Variants in DTNB observed in about 807,000 individuals in gnomAD.
DTNB encodes DTN-B.
A neutral mutation model predicts 90.7 loss-of-function variants in DTNB; 63 were observed. The observed-to-expected ratio is 0.69, with a 90% CI of 0.57 to 0.86. The LOEUF is 0.86. Ranked by LOEUF, DTNB falls within the 40% of genes least tolerant of loss-of-function variation. The probability of loss-of-function intolerance (pLI) is 0.00; values close to 1 mark genes in which losing one functional copy is unlikely to be tolerated. For synonymous variants in DTNB, 277 were observed against 286.7 expected (o/e 0.97, Z 0.34); for missense variants, 744 against 807.1 (o/e 0.92, Z 0.95).
chr2:25,528,401 G>C (rs2077552535), intron 9 of DTNB, among the ~76,000 whole-genome samples: 1 of 152,006 alleles, frequency 6.6e-6, no homozygotes, highest in South Asian at 2.1e-4. Flanking sequence ...TGCACCGGAG[G>C]GGCTAGCCAG....
chr2:25,596,374 A>G, intron 5 of DTNB, 134 bp from the exon 6 acceptor site: 1 of 1,061,424 alleles, frequency 9.4e-7, no homozygotes, highest in South Asian at 1.8e-5. Flanking sequence ...CTTTTAGTTA[A>G]TATTAAAACT....
At chr2:25,484,015 T>C (rs2065559544) in intron 9 of DTNB, among the ~76,000 whole-genome samples, 1 of 152,200 alleles carries the variant, frequency 6.6e-6, no homozygotes, top group Non-Finnish European at 1.5e-5. Context: ...GGAGGCTACA[T>C]ACATAGAGTG....
At chr2:25,592,823 T>G (rs1013617002) in intron 6 of DTNB, among the ~76,000 whole-genome samples, 4 of 152,182 alleles carry the variant, frequency 2.6e-5, no homozygotes, top group African/African-American at 9.7e-5. Context: ...CATGGCTTTG[T>G]AAATAGAGGA....
chr2:25,653,741 G>T (rs1027453852), intron 1 of DTNB, among the ~76,000 whole-genome samples: 9 of 151,924 alleles, frequency 5.9e-5, no homozygotes, highest in Non-Finnish European at 2.9e-5. Flanking sequence ...CGAACTCCCA[G>T]TCTCAAGTGA....
rs1412613517 is a variant in DTNB, at chr2:25,634,671, A to AAG, written c.148+4341_148+4342dup. 1.7e-5 allele frequency among the ~76,000 whole-genome samples: 2 copies of AAG among 115,566 alleles called. 1 individual carries two copies. The highest frequency in any genetic ancestry group is 1.7e-4 in the Admixed American group (2 of 11,660). 75.8% of individuals were successfully genotyped at this position (115,566 alleles called of 152,430 possible). A position where few individuals can be genotyped will look rare whatever the true frequency, so the allele number is the denominator to read the frequency against. ...TGGATGGTTGCCGTGTCTGTGTAGA[A>AAG]AGAGGTAGACATGGGAGACTTCTCA... On this transcript the variant is annotated intron_variant, in intron 3 of 20. Transcript: ENST00000406818.
chr2:25,542,575 G>C (rs913009598), intron 8 of DTNB, among the ~76,000 whole-genome samples: 14 of 151,992 alleles, frequency 9.2e-5, no homozygotes, highest in Admixed American at 7.9e-4. Flanking sequence ...ACAGAATCTG[G>C]GAAATTTTGT....
At chr2:25,526,386 TATATA>T (rs1365590264) in intron 9 of DTNB, among the ~76,000 whole-genome samples, 74 of 56,056 alleles carry the variant, frequency 1.3e-3, no homozygotes, top group African/African-American at 4.7e-3. Flanking sequence ...TATATATATA[TATATA>T]TATATTTTTT....
intron 12 of DTNB, among the ~76,000 whole-genome samples, chr2:25,445,925 T>G (rs984490957): frequency 2.6e-5 from 4 of 151,412 alleles, no homozygotes; most frequent in South Asian, 2.1e-4. Flanking sequence ...GGGTAGTTTT[T>G]TTTTTTTTTT....
At chr2:25,649,742 A>G (rs1349073182) in intron 2 of DTNB, 4 of 152,618 alleles carry the variant, frequency 2.6e-5, no homozygotes, top group African/African-American at 9.6e-5. Flanking sequence ...AAAATTGTAT[A>G]GTTACCTACC....
intron 1 of DTNB, among the ~76,000 whole-genome samples, chr2:25,666,477 TTA>T (rs1220578336): frequency 1.2e-5 from 1 of 81,436 alleles, no homozygotes; most frequent in Non-Finnish European, 3.6e-5. Context: ...ATGCCCATTA[TTA>T]TACTTATTCT....
chr2:25,541,605 G>A (rs186474919), intron 8 of DTNB, among the ~76,000 whole-genome samples: 123 of 152,232 alleles, frequency 8.1e-4, no homozygotes, highest in African/African-American at 2.7e-3. Flanking sequence ...ATCTCATAGA[G>A]CCGGAAGTAT....
chr2:25,594,704 G>A (rs1187657942), intron 6 of DTNB, among the ~76,000 whole-genome samples: 1 of 152,086 alleles, frequency 6.6e-6, no homozygotes, highest in African/African-American at 2.4e-5. Flanking sequence ...CTTACAAAAA[G>A]GTTCTAAGAT....
intron 8 of DTNB, among the ~76,000 whole-genome samples, chr2:25,567,383 C>T (rs1210614258): frequency 6.6e-6 from 1 of 152,218 alleles, no homozygotes; most frequent in African/African-American, 2.4e-5. Context: ...TGATCCAGGT[C>T]TGTCACGAGA....
intron 8 of DTNB, among the ~76,000 whole-genome samples, chr2:25,540,384 T>C (rs2080916442): frequency 6.6e-6 from 1 of 152,256 alleles, no homozygotes; most frequent in South Asian, 2.1e-4. Context: ...CTAGTTATTT[T>C]ATAAACATAT....
At chr2:25,645,432 T>C (rs1355286440) in intron 2 of DTNB, among the ~76,000 whole-genome samples, 1 of 151,648 alleles carries the variant, frequency 6.6e-6, no homozygotes. Context: ...CAAAATCTAA[T>C]CTGTGGGGTA....
intron 9 of DTNB, among the ~76,000 whole-genome samples, chr2:25,502,979 G>A (rs560391504): frequency 7.0e-5 from 10 of 143,004 alleles, no homozygotes; most frequent in Non-Finnish European, 1.2e-4. Context: ...ACCTGAGCCC[G>A]GGAGGGCAAG....
Position 25,447,566 on chromosome 2 carries a change from G to A in DTNB, c.1257+3982C>T, listed in dbSNP as rs962964904. Among the ~76,000 whole-genome samples the A allele has an allele frequency of 6.9e-5, 10 of 144,748 alleles. No homozygotes were observed. In the Admixed American group the frequency reaches 7.1e-4, roughly 10 times the overall value. The allele number at this position is 144,748 out of a possible 152,430, so 95.0% of individuals were successfully genotyped here. On this transcript the variant is annotated intron_variant, in intron 12 of 20. Transcript: ENST00000406818. ...GTTGCCCAGGCTGGAGTACAGTGGT[G>A]CGATCTCAGCTCACTGCAACCTCTG...
At chr2:25,572,181 C>T (rs1408589765) in intron 8 of DTNB, among the ~76,000 whole-genome samples, 1 of 152,046 alleles carries the variant, frequency 6.6e-6, no homozygotes, top group Non-Finnish European at 1.5e-5. Flanking sequence ...AAACTATCTG[C>T]ACCAGGCCGG....
Position 25,652,666 on chromosome 2 carries a change from A to C in DTNB, c.-1-5T>G. 6.2e-7 allele frequency: 1 copy of C among 1,611,016 alleles called. No individual in the cohort carries two copies. The highest frequency in any genetic ancestry group is 8.5e-7 in the Non-Finnish European group (1 of 1,179,196). On this transcript the variant is annotated splice_region_variant and splice_polypyrimidine_tract_variant and intron_variant, in intron 1 of 20. Coordinates refer to ENST00000406818, the MANE Select transcript of DTNB (RefSeq NM_021907.5). ...TTCCCACTTTCCTCAATCATCCTAG[A>C]GACAAAGAAAGATACAATAAACCAC...
Sources: gnomAD v4.1 joint callset for allele counts (sites outside exome capture counted in the v4.1 genomes callset) on GRCh38, gnomAD v4.1.1 for gene constraint, MANE v1.5 for transcripts, NCBI Gene and HGNC (gene_info 2026-07-23, HGNC 2026-07-21) for gene names.